GBE1: variants seen among roughly 807,000 people sequenced by gnomAD.
The protein encoded by GBE1 is 1,4-alpha-glucan branching enzyme 1, also known as 1,4-alpha-glucan-branching enzyme.
GBE1 carries 70 observed loss-of-function variants against 88.8 expected under a neutral mutation model. That is an observed-to-expected ratio of 0.79 (90% confidence interval 0.65 to 0.96). The LOEUF (loss-of-function observed/expected upper bound fraction) is 0.96. GBE1 is among the 40% of genes least tolerant of loss of function. The probability of loss-of-function intolerance (pLI) is 0.00; values close to 1 mark genes in which losing one functional copy is unlikely to be tolerated. For synonymous variants in GBE1, 284 were observed against 300.1 expected (o/e 0.95, Z 0.56); for missense variants, 872 against 871.0 (o/e 1.00, Z -0.01).
intron 7 of GBE1, among the ~76,000 whole-genome samples, chr3:81,634,206 T>C (rs548858923): frequency 2.7e-4 from 41 of 152,210 alleles, no homozygotes; most frequent in Non-Finnish European, 4.4e-4. Flanking sequence ...CTCCAAACTT[T>C]CCATGATATT....
At chr3:81,618,301 G>C (rs1367284988) in intron 7 of GBE1, among the ~76,000 whole-genome samples, 1 of 152,054 alleles carries the variant, frequency 6.6e-6, no homozygotes, top group South Asian at 2.1e-4. Flanking sequence ...TTAACTTATA[G>C]TTGGCCTACA....
intron 7 of GBE1, among the ~76,000 whole-genome samples, chr3:81,632,209 T>C (rs1249181582): frequency 1.3e-5 from 2 of 152,206 alleles, no homozygotes; most frequent in African/African-American, 2.4e-5. Flanking sequence ...CAGTCTAATA[T>C]TGATGGGCAT....
intron 14 of GBE1, among the ~76,000 whole-genome samples, chr3:81,530,878 C>G (rs1048388945): frequency 6.6e-6 from 1 of 151,754 alleles, no homozygotes; most frequent in African/African-American, 2.4e-5. Context: ...AGTGGTGCAT[C>G]CTGCCAGGCC....
chr3:81,685,929 G>C (rs1705430905), intron 2 of GBE1, among the ~76,000 whole-genome samples: 1 of 152,144 alleles, frequency 6.6e-6, no homozygotes, highest in Non-Finnish European at 1.5e-5. Context: ...CTGCTAAAAT[G>C]TGTCTGAAAT....
At chr3:81,563,816 G>A (rs185939451) in intron 12 of GBE1, among the ~76,000 whole-genome samples, 1 of 124,894 alleles carries the variant, frequency 8.0e-6, no homozygotes, top group African/African-American at 3.6e-5. Flanking sequence ...ACCTAACAAT[G>A]GAGCTGGAGA....
intron 1 of GBE1, among the ~76,000 whole-genome samples, chr3:81,710,167 A>G (rs2107174806): frequency 6.6e-6 from 1 of 151,798 alleles, no homozygotes; most frequent in South Asian, 2.1e-4. Context: ...TAAATCTCAA[A>G]TTAAAAGTCA....
At chr3:81,640,639 T>C (rs1704663682) in intron 7 of GBE1, among the ~76,000 whole-genome samples, 1 of 151,738 alleles carries the variant, frequency 6.6e-6, no homozygotes, top group Non-Finnish European at 1.5e-5. Context: ...TATATATATA[T>C]CCTATTAGTT....
intron 12 of GBE1, among the ~76,000 whole-genome samples, chr3:81,573,308 T>G (rs1484244060): frequency 1.3e-5 from 2 of 152,202 alleles, no homozygotes; most frequent in Non-Finnish European, 2.9e-5. Flanking sequence ...ATCAGTCAAT[T>G]GCTTCAAGCC....
At chr3:81,673,899 C>A in intron 2 of GBE1, among the ~76,000 whole-genome samples, 1 of 151,732 alleles carries the variant, frequency 6.6e-6, no homozygotes, top group East Asian at 1.9e-4. Context: ...ATCTTTAAAG[C>A]AAGACTTAGA....
intron 14 of GBE1, among the ~76,000 whole-genome samples, chr3:81,503,829 T>A (rs988663577): frequency 5.9e-5 from 9 of 152,170 alleles, no homozygotes; most frequent in Admixed American, 1.3e-4. Context: ...AAATTCTTCA[T>A]ATTGTTATAT....
intron 14 of GBE1, among the ~76,000 whole-genome samples, chr3:81,505,070 C>T (rs765284931): frequency 3.3e-5 from 5 of 152,066 alleles, no homozygotes; most frequent in African/African-American, 7.2e-5. Context: ...TTTTATATAT[C>T]TCTAATAAAG....
intron 14 of GBE1, among the ~76,000 whole-genome samples, chr3:81,501,935 G>A (rs190081294): frequency 1.3e-5 from 2 of 150,566 alleles, no homozygotes; most frequent in Non-Finnish European, 2.9e-5. Context: ...TTGAGCCCAA[G>A]CAATCTGCCC....
chr3:81,721,767 T>C (rs1706039055), intron 1 of GBE1, among the ~76,000 whole-genome samples: 1 of 152,232 alleles, frequency 6.6e-6, no homozygotes, highest in Non-Finnish European at 1.5e-5. Context: ...CACCATGAGA[T>C]GCTTGTAAGA....
At chr3:81,642,578 T>C (rs1704699434) in intron 7 of GBE1, 1 of 490,216 alleles carries the variant, frequency 2.0e-6, no homozygotes, top group Non-Finnish European at 3.6e-6. Flanking sequence ...GCGTAAGATA[T>C]GTAAAATTGA....
intron 12 of GBE1, among the ~76,000 whole-genome samples, chr3:81,555,164 A>C (rs1039606503): frequency 1.3e-5 from 2 of 152,202 alleles, no homozygotes; most frequent in Non-Finnish European, 2.9e-5. Flanking sequence ...GGTAATGCTG[A>C]TTTTGATTTT....
Position 81,617,526 on chromosome 3 carries a change from G to T in GBE1, c.993-23503C>A, listed in dbSNP as rs576112663. Among the ~76,000 whole-genome samples the T allele has an allele frequency of 2.8e-4, 42 of 151,724 alleles. 1 individual carries two copies. The South Asian group carries it at 8.7e-3, about 32-fold the overall frequency. ...TTTAGCTTGTTACTGTGTTGTGTTGGGATTTTAAATACAAAACAAGCTTAA... is the reference window on the plus strand; with the variant it reads ...TTTAGCTTGTTACTGTGTTGTGTTGTGATTTTAAATACAAAACAAGCTTAA... On this transcript the variant is annotated intron_variant, in intron 7 of 15. Transcript: ENST00000429644.
chr3:81,600,201 C>A (rs1704013151), intron 7 of GBE1, among the ~76,000 whole-genome samples: 1 of 152,056 alleles, frequency 6.6e-6, no homozygotes, highest in Non-Finnish European at 1.5e-5. Context: ...GTGGAGGTTG[C>A]AGTGAGCCGC....
At chr3:81,518,464 G>C (rs1292233422) in intron 14 of GBE1, among the ~76,000 whole-genome samples, 1 of 151,332 alleles carries the variant, frequency 6.6e-6, no homozygotes, top group East Asian at 1.9e-4. Context: ...CAATCTAAAA[G>C]TGTTATAGCA....
chr3:81,547,132 G>A lies in GBE1; in HGVS notation c.1619-10037C>T, dbSNP rs1446460344. Among the ~76,000 whole-genome samples, 3 of 151,388 alleles carry A rather than the reference G, an allele frequency of 2.0e-5. No homozygotes were observed. The East Asian group carries it at 5.8e-4, about 29-fold the overall frequency. ...CGGCACGTGGGGTGCATATACCCGAGTGAAGAGTGGGATTGCATTAGACGC... is the reference window on the plus strand; with the variant it reads ...CGGCACGTGGGGTGCATATACCCGAATGAAGAGTGGGATTGCATTAGACGC... On this transcript the variant is annotated intron_variant, in intron 12 of 15. Transcript: ENST00000429644.
Sources: gnomAD v4.1 joint callset for allele counts (sites outside exome capture counted in the v4.1 genomes callset) on GRCh38, gnomAD v4.1.1 for gene constraint, MANE v1.5 for transcripts, NCBI Gene and HGNC (gene_info 2026-07-23, HGNC 2026-07-21) for gene names.